The following ARAP1 variants were observed in gnomAD, a reference collection of about 807,000 sequenced individuals.
ARAP1 encodes ArfGAP with RhoGAP domain, ankyrin repeat and PH domain 1.
Under a neutral mutation model 172.2 loss-of-function variants are expected in ARAP1, and 76 were observed. The observed-to-expected ratio is 0.44, with a 90% CI of 0.37 to 0.53. The LOEUF (loss-of-function observed/expected upper bound fraction) is 0.53, where lower values mean the gene tolerates loss of function less well. ARAP1 is among the 20% of genes least tolerant of loss of function. The probability of loss-of-function intolerance (pLI) is 0.00; values close to 1 mark genes in which losing one functional copy is unlikely to be tolerated. For missense variants in ARAP1, 1,686 were observed against 1,977.5 expected (o/e 0.85, Z 2.80); for synonymous variants, 804 against 803.3 (o/e 1.00, Z -0.01).
At chr11:72,716,599 C>T (rs187289800) in intron 3 of ARAP1, among the ~76,000 whole-genome samples, 57 of 152,382 alleles carry the variant, frequency 3.7e-4, no homozygotes, top group African/African-American at 1.2e-3. Context: ...CTGGGCACAT[C>T]GCACACAGGG....
chr11:72,709,777 A>G (rs927633133), intron 11 of ARAP1, 93 bp downstream of exon 11: 23 of 1,352,354 alleles, frequency 1.7e-5, no homozygotes, highest in Middle Eastern at 1.8e-4. Context: ...GAGGGAACCC[A>G]TCCCATAGGA....
At position 72,693,891 on chromosome 11, in the gene ARAP1, A is replaced by C; in HGVS notation, c.3695-86T>G. On this transcript the variant is annotated intron_variant, in intron 27 of 34. Transcript: ENST00000393609. The surrounding 1 kb of genome is among the most constrained non-coding windows in gnomAD (Gnocchi z 4.6). ...GCAGATGGGCACATATCACCTACAC[A>C]TCCCCTGTCCACTCCAACCATATGC... 2.7e-6 allele frequency: 3 copies of C among 1,091,104 alleles called. No homozygotes were observed. The highest frequency in any genetic ancestry group is 1.6e-5 in the African/African-American group (1 of 64,168). 67.6% of individuals were successfully genotyped at this position (1,091,104 alleles called of 1,614,324 possible). A position where few individuals can be genotyped will look rare whatever the true frequency, so the allele number is the denominator to read the frequency against.
In ARAP1 at chr11:72,727,152, C is replaced by A; in HGVS notation, c.-24G>T. 2 of 1,553,938 alleles carry A rather than the reference C, an allele frequency of 1.3e-6. No individual in the cohort carries two copies. The highest frequency in any genetic ancestry group is 1.3e-5 in the African/African-American group (1 of 74,212). On this transcript the variant is annotated 5_prime_UTR_variant, in exon 3 of 35. Coordinates refer to ENST00000393609, the MANE Select transcript of ARAP1 (RefSeq NM_001040118.3). ...ATGGTTCCTGCCAGCGGAGGCCTGA[C>A]TGGCAGGGCTTTGTCCAGAGCTAGA...
rs780590204 is a variant in ARAP1 at position 72,693,509 on chromosome 11, C to A, written c.3809-39G>T. ...CTGGAGTGGGCACAGGCTGCACCAA[C>A]CCCTACCCGGGGCTGGGTCCCAGGA... On this transcript the variant is annotated intron_variant, in intron 28 of 34. Transcript: ENST00000393609. This position sits in a 1 kb window ranked among gnomAD's most constrained non-coding sequence, Gnocchi z 4.6. 6 of 1,593,156 alleles carry A rather than the reference C, an allele frequency of 3.8e-6. No homozygotes were observed. In the South Asian group the frequency reaches 6.7e-5, roughly 18 times the overall value.
chr11:72,747,862 G>A (rs972513392), intron 1 of ARAP1, among the ~76,000 whole-genome samples: 2 of 152,196 alleles, frequency 1.3e-5, no homozygotes, highest in African/African-American at 4.8e-5. Context: ...ATCCACAGTT[G>A]GTCACCAGCA....
intron 11 of ARAP1, 146 bp downstream of exon 11, chr11:72,709,724 G>A (rs1451468779): frequency 5.0e-6 from 4 of 797,520 alleles, no homozygotes; most frequent in Non-Finnish European, 6.4e-6. Flanking sequence ...GTTAGCAAGT[G>A]ACGGGAGAGG....
chr11:72,719,953 C>A (rs1857440975), intron 3 of ARAP1, among the ~76,000 whole-genome samples: 1 of 152,198 alleles, frequency 6.6e-6, no homozygotes, highest in Admixed American at 6.5e-5. Context: ...GCAGGCCTCC[C>A]CTCACATCTC....
At chr11:72,691,479 G>A (rs766203558) in intron 30 of ARAP1, among the ~76,000 whole-genome samples, 3 of 152,210 alleles carry the variant, frequency 2.0e-5, no homozygotes, top group Non-Finnish European at 4.4e-5. Flanking sequence ...GACTGGATGG[G>A]CAGATAGGCT....
At chr11:72,686,787 C>T (rs544369583) in intron 33 of ARAP1, among the ~76,000 whole-genome samples, 113 of 152,278 alleles carry the variant, frequency 7.4e-4, no homozygotes, top group Admixed American at 3.7e-3. Flanking sequence ...CACTGCCCGA[C>T]GCTGCACCCA....
chr11:72,734,844 A>C (rs1166181513), intron 1 of ARAP1, among the ~76,000 whole-genome samples: 2 of 150,054 alleles, frequency 1.3e-5, no homozygotes, highest in Non-Finnish European at 3.0e-5. Context: ...CTGAGCACAA[A>C]AAAAAAAAAA....
intron 2 of ARAP1, 44 bp from the exon 3 acceptor site, chr11:72,727,216 G>T: frequency 7.0e-7 from 1 of 1,433,162 alleles, no homozygotes; most frequent in Non-Finnish European, 9.2e-7. Flanking sequence ...GGGCTGCCGA[G>T]GATTGGTCCC....
chr11:72,743,279 C>T (rs951859893), intron 1 of ARAP1, among the ~76,000 whole-genome samples: 1 of 152,228 alleles, frequency 6.6e-6, no homozygotes, highest in Non-Finnish European at 1.5e-5. Context: ...CTACAAAGGC[C>T]TGGCTTGCAG....
Position 72,699,044 on chromosome 11 carries a change from A to G in ARAP1, c.2502T>C (p.Ser834=), listed in dbSNP as rs762029351. 6.2e-7 allele frequency: 1 copy of G among 1,613,792 alleles called. No homozygotes were observed. Residue 834 remains serine (S), a synonymous_variant, in exon 18 of 35, where the codon AGT becomes AGC. Transcript: ENST00000393609. The surrounding 1 kb of genome is among the most constrained non-coding windows in gnomAD (Gnocchi z 4.2). ...GERLYLFGLE[S]AEQAHEWVKC... ...TGACCCACTCATGAGCCTGCTCCGC[A>G]CTCTCCAGCCCAAACAGGTACAGCC... is the stretch of plus-strand genomic sequence containing the variant.
At position 72,735,574 on chromosome 11, in the gene ARAP1, C is replaced by T. The variant is rs1026070924; in HGVS notation, c.-127-2977G>A. Among the ~76,000 whole-genome samples, 7 of 152,006 alleles carry T rather than the reference C, an allele frequency of 4.6e-5. No homozygotes were observed. The East Asian group carries it at 7.7e-4, about 17-fold the overall frequency. On this transcript the variant is annotated intron_variant, in intron 1 of 34. Transcript: ENST00000393609. ...TCGTGCCATTGCACTCCAGCCTGGG[C>T]GACAGAGTGAGACTCCAGCTCAAAA...
At chr11:72,697,530 C>T in intron 20 of ARAP1, 44 bp from the exon 21 acceptor site, 1 of 1,612,898 alleles carries the variant, frequency 6.2e-7, no homozygotes, top group Non-Finnish European at 8.5e-7. Flanking sequence ...ACACCTATCC[C>T]ACCCTGTCCC....
chr11:72,727,204 C>T (rs1857718925), intron 2 of ARAP1, 32 bp from the exon 3 acceptor site: 1 of 1,459,008 alleles, frequency 6.9e-7, no homozygotes, highest in East Asian at 2.5e-5. Flanking sequence ...AGGTCAGAGG[C>T]AGGGCTGCCG....
chr11:72,687,924 C>A (rs1212433953), intron 31 of ARAP1, among the ~76,000 whole-genome samples, 186 bp from the exon 32 acceptor site: 1 of 152,170 alleles, frequency 6.6e-6, no homozygotes, highest in Admixed American at 6.5e-5. Context: ...GCCCTTGACA[C>A]CCCTAAGCCC....
chr11:72,752,125 C>A (rs1288705137), intron 1 of ARAP1, among the ~76,000 whole-genome samples: 1 of 152,248 alleles, frequency 6.6e-6, no homozygotes, highest in Non-Finnish European at 1.5e-5. Context: ...CGCTGGTTCA[C>A]CCCCCTTCCC....
intron 3 of ARAP1, among the ~76,000 whole-genome samples, chr11:72,715,418 G>A (rs1324313019): frequency 6.6e-6 from 1 of 152,186 alleles, no homozygotes; most frequent in Non-Finnish European, 1.5e-5. Flanking sequence ...ATGGTGTGGG[G>A]CTACCGTGAA....
Sources: gnomAD v4.1 joint callset for allele counts (sites outside exome capture counted in the v4.1 genomes callset) on GRCh38, gnomAD v4.1.1 for gene constraint, Gnocchi (gnomAD v3.1) non-coding constraint, MANE v1.5 for transcripts, NCBI Gene and HGNC (gene_info 2026-07-23, HGNC 2026-07-21) for gene names.